Variants in SLC35F3 observed in about 807,000 individuals in gnomAD.
SLC35F3 encodes putative thiamine transporter SLC35F3.
Under a neutral mutation model 49.9 loss-of-function variants are expected in SLC35F3, and 25 were observed. That is an observed-to-expected ratio of 0.50 (90% CI 0.37 to 0.70). The LOEUF is 0.70. SLC35F3 is among the 30% of genes least tolerant of loss of function. The pLI, the probability that SLC35F3 is intolerant of heterozygous loss-of-function variation, is 0.00. For synonymous variants in SLC35F3, 275 were observed against 265.4 expected (o/e 1.04, Z -0.35); for missense variants, 525 against 639.8 (o/e 0.82, Z 1.94).
At chr1:234,196,721 C>T (rs1666817829) in intron 2 of SLC35F3, among the ~76,000 whole-genome samples, 1 of 152,206 alleles carries the variant, frequency 6.6e-6, no homozygotes, top group African/African-American at 2.4e-5. Flanking sequence ...GGGCGGATCA[C>T]CTGAGGTTAG....
intron 2 of SLC35F3, among the ~76,000 whole-genome samples, chr1:233,936,647 C>T (rs1662338167): frequency 6.6e-6 from 1 of 151,916 alleles, no homozygotes; most frequent in East Asian, 1.9e-4. Flanking sequence ...TCTTCCTCTT[C>T]TCCTCCTCCT....
intron 2 of SLC35F3, among the ~76,000 whole-genome samples, chr1:234,111,378 A>G (rs1053190270): frequency 7.3e-5 from 11 of 151,668 alleles, no homozygotes; most frequent in African/African-American, 2.7e-4. Flanking sequence ...TGCAACCTCC[A>G]CCTCCCAGGT....
intron 3 of SLC35F3, among the ~76,000 whole-genome samples, chr1:234,280,502 G>A: frequency 6.6e-6 from 1 of 152,188 alleles, no homozygotes; most frequent in East Asian, 1.9e-4. Context: ...TGACCAGGAA[G>A]TCTCAGCACA....
intron 2 of SLC35F3, among the ~76,000 whole-genome samples, chr1:234,059,960 G>A (rs1217574858): frequency 1.3e-5 from 2 of 152,176 alleles, no homozygotes; most frequent in African/African-American, 2.4e-5. Flanking sequence ...CCAGCCCACT[G>A]ACTCAAATGT....
chr1:234,171,309 G>A, intron 2 of SLC35F3, among the ~76,000 whole-genome samples: 1 of 152,162 alleles, frequency 6.6e-6, no homozygotes, highest in East Asian at 1.9e-4. Flanking sequence ...AATTAGTCTG[G>A]GATGAGGCTG....
rs531290258 is a variant in SLC35F3 at position 234,072,328 on chromosome 1, G to T, written c.284-159089G>T. On this transcript the variant is annotated intron_variant, in intron 2 of 7. Transcript: ENST00000366618. ...TATTCAGATGCAAACATAATTTTCT[G>T]TTAGTGACAATTGCCTGTGCCAGTC... is the stretch of plus-strand genomic sequence containing the variant. Among the ~76,000 whole-genome samples the T allele has an allele frequency of 4.6e-5, 7 of 152,276 alleles. 1 individual carries two copies. In the South Asian group the frequency reaches 1.5e-3, roughly 32 times the overall value.
intron 3 of SLC35F3, among the ~76,000 whole-genome samples, chr1:234,291,238 T>C (rs942025697): frequency 1.3e-5 from 2 of 152,222 alleles, no homozygotes; most frequent in Non-Finnish European, 2.9e-5. Context: ...TGCTTATCAA[T>C]GCTAACGTGC....
chr1:234,267,628 G>A (rs1254773378), intron 3 of SLC35F3, among the ~76,000 whole-genome samples: 4 of 150,948 alleles, frequency 2.6e-5, no homozygotes, highest in African/African-American at 7.3e-5. Flanking sequence ...CTGGCCAGGC[G>A]GGGGGCTGAC....
chr1:234,228,797 ATG>A (rs1280682822), intron 2 of SLC35F3, among the ~76,000 whole-genome samples: 2 of 152,166 alleles, frequency 1.3e-5, no homozygotes, highest in Non-Finnish European at 2.9e-5. Flanking sequence ...GCGGCAGCCA[ATG>A]TGAATTGTGA....
chr1:233,920,561 A>G (rs1347861050), intron 2 of SLC35F3, among the ~76,000 whole-genome samples: 1 of 152,266 alleles, frequency 6.6e-6, no homozygotes, highest in Non-Finnish European at 1.5e-5. Flanking sequence ...TAAGGTGAGC[A>G]CCAGGTACCC....
intron 2 of SLC35F3, among the ~76,000 whole-genome samples, chr1:234,030,188 A>C (rs1406603572): frequency 6.6e-6 from 1 of 152,160 alleles, no homozygotes; most frequent in Non-Finnish European, 1.5e-5. Context: ...AACCAAACCC[A>C]GTTTCCCACA....
intron 2 of SLC35F3, among the ~76,000 whole-genome samples, chr1:234,051,410 G>C (rs1664374053): frequency 6.6e-6 from 1 of 152,140 alleles, no homozygotes; most frequent in Admixed American, 6.5e-5. Context: ...AATTGTGAAT[G>C]GGAGTTCACT....
chr1:234,290,896 T>G (rs1314651740), intron 3 of SLC35F3, among the ~76,000 whole-genome samples: 1 of 152,176 alleles, frequency 6.6e-6, no homozygotes, highest in African/African-American at 2.4e-5. Flanking sequence ...CCTTTCCTTC[T>G]TTGGTCCCTC....
intron 3 of SLC35F3, among the ~76,000 whole-genome samples, chr1:234,281,983 G>C (rs192396785): frequency 6.6e-6 from 1 of 151,988 alleles, no homozygotes; most frequent in Non-Finnish European, 1.5e-5. Context: ...CTTAAGCGCT[G>C]TTTTTTTCCA....
chr1:234,300,700 T>C (rs914118191), intron 3 of SLC35F3, among the ~76,000 whole-genome samples: 1 of 152,230 alleles, frequency 6.6e-6, no homozygotes, highest in Non-Finnish European at 1.5e-5. Context: ...TACGAGCTGA[T>C]ACCCAATTGA....
Position 234,117,910 on chromosome 1 carries a change from ATATGTGTGTGTG to A in SLC35F3, c.284-113505_284-113494del, listed in dbSNP as rs1192558488. On this transcript the variant is annotated intron_variant, in intron 2 of 7. Transcript: ENST00000366618. The stretch of plus-strand genomic sequence containing the variant: ...CAAAAAAGAAAAAAAAAAAGACTAT[ATATGTGTGTGTG>A]TGTGTGTGTGTGTGTGTGTGTGTGT... Among the ~76,000 whole-genome samples, 351 of 79,726 alleles carry A rather than the reference ATATGTGTGTGTG, an allele frequency of 4.4e-3. 12 individuals carry two copies. Among genetic ancestry groups the A allele is most frequent in the African/African-American group, 0.012 (281 of 23,114 alleles). The allele number at this position is 79,726 out of a possible 152,430, so 52.3% of individuals were successfully genotyped here.
intron 2 of SLC35F3, among the ~76,000 whole-genome samples, chr1:234,071,606 C>T (rs187958539): frequency 7.2e-5 from 11 of 152,270 alleles, no homozygotes; most frequent in Admixed American, 5.9e-4. Flanking sequence ...AAAGTTACAA[C>T]AAATAACATT....
chr1:234,055,950 A>G (rs1022158814), intron 2 of SLC35F3, among the ~76,000 whole-genome samples: 1 of 152,306 alleles, frequency 6.6e-6, no homozygotes, highest in East Asian at 1.9e-4. Flanking sequence ...TTATTTTTGT[A>G]TTCAGAAAAC....
At chr1:234,228,296 A>C in intron 2 of SLC35F3, among the ~76,000 whole-genome samples, 1 of 152,332 alleles carries the variant, frequency 6.6e-6, no homozygotes, top group South Asian at 2.1e-4. Flanking sequence ...GACCCAGGCC[A>C]ACCACCTGCC....
Sources: allele counts gnomAD v4.1 joint callset (sites outside exome capture counted in the v4.1 genomes callset), GRCh38; gene constraint gnomAD v4.1.1; transcripts MANE v1.5; gene names NCBI Gene and HGNC (gene_info 2026-07-23, HGNC 2026-07-21).